The following RBFOX2 variants were observed in gnomAD, a reference collection of about 807,000 sequenced individuals.
The protein encoded by RBFOX2 is RNA binding protein fox-1 homolog 2.
A neutral mutation model predicts 49.1 loss-of-function variants in RBFOX2; 10 were observed. That is an observed-to-expected ratio of 0.20 (90% confidence interval 0.13 to 0.35). RBFOX2 has a LOEUF of 0.35. Among genes scored for constraint, RBFOX2 ranks in the 10% least tolerant of loss-of-function variants. RBFOX2 has a pLI of 1.00. For missense variants in RBFOX2, 323 were observed against 486.9 expected (o/e 0.66, Z 3.17); for synonymous variants, 183 against 187.4 (o/e 0.98, Z 0.19).
intron 9 of RBFOX2, 36 bp downstream of exon 11, chr22:35,756,069 G>C (rs762956796): frequency 1.5e-6 from 2 of 1,316,262 alleles, no homozygotes; most frequent in Non-Finnish European, 9.8e-7. Flanking sequence ...GCTTGTCAGG[G>C]GATGGGGTCG....
intron 1 of RBFOX2, among the ~76,000 whole-genome samples, chr22:35,889,171 G>A (rs1010436087): frequency 2.6e-5 from 4 of 151,952 alleles, no homozygotes; most frequent in African/African-American, 9.7e-5. Flanking sequence ...GAAAAGAAAA[G>A]AAAAGAAAAT....
At chr22:35,951,480 G>A (rs2054931355) in intron 1 of RBFOX2, among the ~76,000 whole-genome samples, 1 of 146,748 alleles carries the variant, frequency 6.8e-6, no homozygotes, top group African/African-American at 2.5e-5. Context: ...CCCAACCACA[G>A]GTGATCCGCC....
intron 1 of RBFOX2, among the ~76,000 whole-genome samples, chr22:35,815,590 A>G (rs1478534042): frequency 1.3e-5 from 2 of 152,156 alleles, no homozygotes; most frequent in Non-Finnish European, 2.9e-5. Context: ...CAAATCCTAA[A>G]AGCTTCTCAA....
intron 1 of RBFOX2, among the ~76,000 whole-genome samples, chr22:35,947,502 C>T (rs529348290): frequency 3.5e-4 from 52 of 150,684 alleles, no homozygotes; most frequent in African/African-American, 9.7e-4. Flanking sequence ...TTCCAGCACA[C>T]GGCATTGTTA....
At chr22:35,840,603 G>A, upstream of RBFOX2, 5 of 1,141,262 alleles carry the variant, frequency 4.4e-6, no homozygotes, top group Admixed American at 4.1e-5. Flanking sequence ...TTTGGTGTAC[G>A]CTGTGCGCAC....
intron 1 of RBFOX2, among the ~76,000 whole-genome samples, chr22:35,860,180 G>A (rs2042952981): frequency 1.3e-5 from 2 of 152,002 alleles, no homozygotes; most frequent in African/African-American, 2.4e-5. Flanking sequence ...CATTGGTCTT[G>A]GGGATATTAG....
At chr22:35,985,901 T>C (rs2057691168) in intron 1 of RBFOX2, among the ~76,000 whole-genome samples, 1 of 134,106 alleles carries the variant, frequency 7.5e-6, no homozygotes, top group Non-Finnish European at 1.6e-5. Flanking sequence ...GATAGATAGA[T>C]GGATAGATAG....
intron 1 of RBFOX2, among the ~76,000 whole-genome samples, chr22:35,905,661 T>C (rs1211949599): frequency 7.2e-5 from 11 of 152,210 alleles, no homozygotes; most frequent in Admixed American, 7.2e-4. Flanking sequence ...CAGGTATAGA[T>C]ATGTAAGTAA....
rs184774686 is a variant in RBFOX2 at position 35,877,107 on chromosome 22, T to C, written c.-34+61740A>G. On this transcript the variant is annotated intron_variant, in intron 1 of 13. Coordinates refer to the RBFOX2 transcript ENST00000359369. ...CAATTTTATTTCAACACCTACTGCA[T>C]TCCCATTTTCCCTGATACAAATGTA... Among the ~76,000 whole-genome samples, 140 of 152,294 alleles carry C rather than the reference T, an allele frequency of 9.2e-4. 1 individual carries two copies. The highest frequency in any genetic ancestry group is 3.2e-3 in the African/African-American group (134 of 41,568).
chr22:35,865,456 C>T (rs756386669), intron 1 of RBFOX2, among the ~76,000 whole-genome samples: 1 of 152,114 alleles, frequency 6.6e-6, no homozygotes, highest in Non-Finnish European at 1.5e-5. Context: ...TTGGTGACTG[C>T]CCTACCTACA....
intron 1 of RBFOX2, among the ~76,000 whole-genome samples, chr22:36,002,660 G>A (rs1164340051): frequency 6.6e-6 from 1 of 152,232 alleles, no homozygotes; most frequent in Admixed American, 6.5e-5. Context: ...GTCTCACTCT[G>A]TCACCCAAGC....
chr22:36,002,005 A>G (rs1336774238), intron 1 of RBFOX2, among the ~76,000 whole-genome samples: 1 of 152,094 alleles, frequency 6.6e-6, no homozygotes, highest in Non-Finnish European at 1.5e-5. Flanking sequence ...CGGAGGCTGC[A>G]GTGAGCCGAG....
chr22:35,866,957 G>A (rs1473832703), intron 1 of RBFOX2, among the ~76,000 whole-genome samples: 1 of 152,114 alleles, frequency 6.6e-6, no homozygotes, highest in African/African-American at 2.4e-5. Flanking sequence ...ATGTGTAACA[G>A]TATCTACGTT....
chr22:35,888,469 A>G (rs909338960), intron 1 of RBFOX2, among the ~76,000 whole-genome samples: 5 of 152,142 alleles, frequency 3.3e-5, no homozygotes, highest in African/African-American at 1.2e-4. Context: ...GCTCTAGGCT[A>G]TTGTCTTAGT....
chr22:36,028,815 G>A (rs542185066), exon 1 of RBFOX2, among the ~76,000 whole-genome samples: 80 of 152,186 alleles, frequency 5.3e-4, no homozygotes, highest in African/African-American at 1.9e-3. Context: ...AGGGAGGAAG[G>A]GGGCGGTCCG....
chr22:35,944,049 T>C (rs2053998116), intron 1 of RBFOX2, among the ~76,000 whole-genome samples: 1 of 152,246 alleles, frequency 6.6e-6, no homozygotes, highest in Non-Finnish European at 1.5e-5. Flanking sequence ...GTAAAATCTC[T>C]TTAAGCAGAA....
At chr22:35,761,073 A>G in intron 8 of RBFOX2, 129 bp downstream of exon 9, 1 of 749,946 alleles carries the variant, frequency 1.3e-6, no homozygotes, top group Non-Finnish European at 2.2e-6. Flanking sequence ...GGGCACTGGG[A>G]TAGTATTTAA....
upstream of RBFOX2, among the ~76,000 whole-genome samples, chr22:35,963,474 G>C (rs1449676784): frequency 6.6e-6 from 1 of 152,124 alleles, no homozygotes; most frequent in East Asian, 1.9e-4. Flanking sequence ...TAATTATTAA[G>C]TATAATAAGC....
exon 12 of RBFOX2, chr22:35,740,528 C>T (rs1929394134): frequency 6.5e-6 from 1 of 152,682 alleles, no homozygotes; most frequent in Admixed American, 6.5e-5. Context: ...ACCCCTTCCC[C>T]ACCCCCCAAA....
Sources: gnomAD v4.1 joint callset for allele counts (sites outside exome capture counted in the v4.1 genomes callset) on GRCh38, gnomAD v4.1.1 for gene constraint, MANE v1.5 for transcripts, NCBI Gene and HGNC (gene_info 2026-07-23, HGNC 2026-07-21) for gene names.